The following CEP70 variants were observed in gnomAD, a reference collection of about 807,000 sequenced individuals.
CEP70 encodes centrosomal protein 70, also known as centrosomal protein of 70 kDa.
In CEP70, 70 loss-of-function variants were observed where a neutral mutation model predicts 90.9. The ratio of observed to expected loss-of-function variants is 0.77; its 90% CI spans 0.64 to 0.94. The LOEUF (loss-of-function observed/expected upper bound fraction) is 0.94, where lower values mean the gene tolerates loss of function less well. CEP70 is among the 40% of genes least tolerant of loss of function. The probability of loss-of-function intolerance (pLI) is 0.00; values close to 1 mark genes in which losing one functional copy is unlikely to be tolerated. For missense variants in CEP70, 648 were observed against 669.0 expected, an observed-to-expected ratio of 0.97 and a Z score of 0.35; for synonymous variants, 220 against 228.3, an observed-to-expected ratio of 0.96 and a Z score of 0.33.
chr3:138,513,065 C>T (rs1218800263), intron 11 of CEP70, among the ~76,000 whole-genome samples: 1 of 152,214 alleles, frequency 6.6e-6, no homozygotes, highest in Non-Finnish European at 1.5e-5. Flanking sequence ...AAAAGTCCAG[C>T]TCCTGGCTAA....
intron 11 of CEP70, among the ~76,000 whole-genome samples, chr3:138,522,855 T>A (rs1291634985): frequency 6.6e-6 from 1 of 152,146 alleles, no homozygotes. Flanking sequence ...AAAGAGGGAA[T>A]CCTTCCTAAC....
intron 8 of CEP70, among the ~76,000 whole-genome samples, 173 bp downstream of exon 8, chr3:138,532,341 A>C (rs887541522): frequency 2.0e-5 from 3 of 152,176 alleles, no homozygotes; most frequent in Non-Finnish European, 4.4e-5. Context: ...ATACAACAAT[A>C]CATCTTGACT....
Position 138,537,932 on chromosome 3 carries a change from G to A in CEP70, c.466-585C>T, listed in dbSNP as rs796155787. 3.3e-5 allele frequency among the ~76,000 whole-genome samples: 5 copies of A among 152,192 alleles called. No individual in the cohort carries two copies. The East Asian group carries it at 7.8e-4, about 24-fold the overall frequency. ...TCCCAGAACTCAAATCTGAGGATGG[G>A]ACAATCCCCGGGACCACAAAGAAGT... On this transcript the variant is annotated intron_variant, in intron 6 of 17. Transcript: ENST00000264982.
rs1220975039 is a variant in CEP70, at chr3:138,500,855, T to C, written c.1248A>G (p.Leu416=). 4.4e-6 allele frequency: 7 copies of C among 1,584,218 alleles called. No homozygotes were observed. The East Asian group carries it at 6.8e-5, about 15-fold the overall frequency. ...TAAGCCAAGGTACCAGTTCTGCAGATAGTGTTTTCAAGGACTTATACAAAT... is the reference window on the plus strand; with the variant it reads ...TAAGCCAAGGTACCAGTTCTGCAGACAGTGTTTTCAAGGACTTATACAAAT... ...LKDLYKSLKT[L]SAELVPWLNL... Residue 416 remains leucine, a synonymous_variant, in exon 14 of 18, where the codon CTA becomes CTG. Coordinates refer to ENST00000264982, the MANE Select transcript of CEP70 (RefSeq NM_024491.4).
At chr3:138,551,761 AAAT>A (rs2039640725) in intron 6 of CEP70, among the ~76,000 whole-genome samples, 3 of 147,150 alleles carry the variant, frequency 2.0e-5, no homozygotes, top group African/African-American at 2.5e-5. Context: ...AAAAAAAATA[AAAT>A]AAAACAAAAC....
chr3:138,544,085 T>G (rs868710965), intron 6 of CEP70, among the ~76,000 whole-genome samples: 6 of 152,168 alleles, frequency 3.9e-5, no homozygotes, highest in Non-Finnish European at 8.8e-5. Context: ...GGCCAGGAGT[T>G]CAAGACCAAC....
intron 6 of CEP70, among the ~76,000 whole-genome samples, chr3:138,543,319 A>C (rs1350764864): frequency 2.6e-5 from 4 of 152,182 alleles, no homozygotes; most frequent in African/African-American, 9.6e-5. Flanking sequence ...CGGCATCCAA[A>C]GTCTTGGGGG....
intron 17 of CEP70, chr3:138,497,330 T>TAA: frequency 4.8e-6 from 6 of 1,240,892 alleles, no homozygotes; most frequent in East Asian, 5.9e-5. Flanking sequence ...GAGCCATTCT[T>TAA]TAAAAAAAAA....
rs1001445415 is a variant in CEP70 at position 138,518,178 on chromosome 3, G to A, written c.944+7312C>T. Among the ~76,000 whole-genome samples, 10 of 152,320 alleles carry A rather than the reference G, an allele frequency of 6.6e-5. No individual in the cohort carries two copies. In the East Asian group the frequency reaches 1.2e-3, roughly 18 times the overall value. On this transcript the variant is annotated intron_variant, in intron 11 of 17. Transcript: ENST00000264982. ...TGAGGCTTGAGTAGGTAAACAAAGC[G>A]GCCAGGAAGCTCGAACTGGGTGGAG...
chr3:138,593,974 G>A (rs1269163379), intron 1 of CEP70: 1 of 152,356 alleles, frequency 6.6e-6, no homozygotes, highest in African/African-American at 2.4e-5. Context: ...AGACATTAAA[G>A]GAGAAGCCAA....
At chr3:138,515,812 C>CA (rs1327982421) in intron 11 of CEP70, among the ~76,000 whole-genome samples, 1 of 152,134 alleles carries the variant, frequency 6.6e-6, no homozygotes, top group African/African-American at 2.4e-5. Flanking sequence ...AGTCAATTCT[C>CA]ATTATTGCCT....
At chr3:138,497,806 G>A in intron 17 of CEP70, 1 of 985,326 alleles carries the variant, frequency 1.0e-6, no homozygotes, top group Non-Finnish European at 1.2e-6. Flanking sequence ...TCATGATAAG[G>A]TCCTCCAACA....
chr3:138,552,659 TG>T (rs2039706877), intron 6 of CEP70, among the ~76,000 whole-genome samples: 1 of 152,124 alleles, frequency 6.6e-6, no homozygotes, highest in African/African-American at 2.4e-5. Flanking sequence ...TCAAAACCTC[TG>T]GGATACAGTA....
chr3:138,516,845 T>C (rs374849390), intron 11 of CEP70, among the ~76,000 whole-genome samples: 32 of 152,328 alleles, frequency 2.1e-4, no homozygotes, highest in East Asian at 1.7e-3. Context: ...ATATATTAAC[T>C]CATAGCTTTC....
intron 6 of CEP70, among the ~76,000 whole-genome samples, chr3:138,562,300 A>G (rs2040467158): frequency 6.6e-6 from 1 of 152,208 alleles, no homozygotes; most frequent in Non-Finnish European, 1.5e-5. Flanking sequence ...TATCCAGTAG[A>G]ACTTCCCTAA....
At chr3:138,498,641 A>G (rs1001109674) in intron 16 of CEP70, among the ~76,000 whole-genome samples, 7 of 152,180 alleles carry the variant, frequency 4.6e-5, no homozygotes, top group Middle Eastern at 6.8e-3. Context: ...GCCAATATAC[A>G]ACATTCTTAA....
intron 17 of CEP70, chr3:138,497,328 C>T (rs865827195): frequency 8.2e-7 from 1 of 1,225,108 alleles, no homozygotes; most frequent in Non-Finnish European, 1.0e-6. Flanking sequence ...AAGAGCCATT[C>T]TTTAAAAAAA....
At chr3:138,536,254 A>G (rs1318119673) in intron 7 of CEP70, among the ~76,000 whole-genome samples, 4 of 152,144 alleles carry the variant, frequency 2.6e-5, no homozygotes, top group Admixed American at 6.5e-5. Flanking sequence ...TTTAAAATCA[A>G]TTACCTATAG....
intron 6 of CEP70, among the ~76,000 whole-genome samples, chr3:138,556,954 T>C (rs1189029297): frequency 1.3e-5 from 2 of 152,276 alleles, no homozygotes; most frequent in African/African-American, 2.4e-5. Flanking sequence ...GCAACCGGTC[T>C]GACCAAAATT....
Sources: allele counts gnomAD v4.1 joint callset (sites outside exome capture counted in the v4.1 genomes callset), GRCh38; gene constraint gnomAD v4.1.1; transcripts MANE v1.5; gene names NCBI Gene and HGNC (gene_info 2026-07-23, HGNC 2026-07-21).